PIK3C2G: variants seen among roughly 807,000 people sequenced by gnomAD.
PIK3C2G encodes the protein phosphatidylinositol-4-phosphate 3-kinase catalytic subunit type 2 gamma, also known as phosphatidylinositol 3-kinase C2 domain-containing subunit gamma.
A neutral mutation model predicts 181.1 loss-of-function variants in PIK3C2G; 168 were observed. The observed-to-expected ratio is 0.93, with a 90% CI of 0.82 to 1.05. The LOEUF is 1.05. Ranked by LOEUF, PIK3C2G falls within the 50% of genes least tolerant of loss-of-function variation. PIK3C2G has a pLI of 0.00. For missense variants in PIK3C2G, 1,869 were observed against 1,732.8 expected, an observed-to-expected ratio of 1.08 and a Z score of -1.40; for synonymous variants, 573 against 592.2, an observed-to-expected ratio of 0.97 and a Z score of 0.47.
Position 18,480,920 on chromosome 12 carries a change from T to A in PIK3C2G, c.2505-7529T>A, listed in dbSNP as rs1367343587. On this transcript the variant is annotated intron_variant, in intron 18 of 32. Coordinates refer to ENST00000538779, the MANE Select transcript of PIK3C2G (RefSeq NM_001288772.2). ...ACCTCTGGTTCACCCTTGAGTTTTT[T>A]ATTTTTTTATTTTTTTATTTTTTAT... Among the ~76,000 whole-genome samples the A allele has an allele frequency of 2.0e-5, 3 of 151,914 alleles. No homozygotes were observed. The East Asian group carries it at 5.8e-4, about 29-fold the overall frequency.
the PIK3C2G span, among the ~76,000 whole-genome samples, chr12:18,666,812 A>T: frequency 6.6e-6 from 1 of 152,218 alleles, no homozygotes; most frequent in Non-Finnish European, 1.5e-5. Context: ...ATTAGGTTAC[A>T]GATGATAGTC....
At chr12:18,542,173 C>T (rs1015986440) in intron 25 of PIK3C2G, among the ~76,000 whole-genome samples, 2 of 151,888 alleles carry the variant, frequency 1.3e-5, no homozygotes, top group Middle Eastern at 3.4e-3. Context: ...AGAAGCCTAT[C>T]CTTAGAAAAT....
At chr12:18,668,743 C>A in the PIK3C2G span, among the ~76,000 whole-genome samples, 1 of 152,116 alleles carries the variant, frequency 6.6e-6, no homozygotes, top group African/African-American at 2.4e-5. Context: ...TGCTCACACC[C>A]CAAAGCTATA....
rs540577281 is a variant in PIK3C2G at position 18,453,259 on chromosome 12, T to C, written c.2504+29220T>C. Among the ~76,000 whole-genome samples, 6 of 152,318 alleles carry C rather than the reference T, an allele frequency of 3.9e-5. No individual in the cohort carries two copies. The South Asian group carries it at 1.2e-3, about 32-fold the overall frequency. ...CTCCTGTATTGGGTGCATATATATT[T>C]AGGATAGTTAGCTCTTCTTATTGCA... is the stretch of plus-strand genomic sequence containing the variant. On this transcript the variant is annotated intron_variant, in intron 18 of 32. Transcript: ENST00000538779.
At chr12:18,466,859 C>CACAA (rs982834748) in intron 18 of PIK3C2G, among the ~76,000 whole-genome samples, 3 of 152,028 alleles carry the variant, frequency 2.0e-5, no homozygotes, top group African/African-American at 7.2e-5. Context: ...TTCAATCACA[C>CACAA]ACAAACAAAG....
At chr12:18,475,451 G>A (rs1938895414) in intron 18 of PIK3C2G, among the ~76,000 whole-genome samples, 1 of 148,042 alleles carries the variant, frequency 6.8e-6, no homozygotes, top group African/African-American at 2.5e-5. Flanking sequence ...CCCCCGAGAT[G>A]AAAAATGTCC....
intron 24 of PIK3C2G, among the ~76,000 whole-genome samples, chr12:18,522,652 T>G (rs951772549): frequency 6.6e-6 from 1 of 152,118 alleles, no homozygotes; most frequent in Non-Finnish European, 1.5e-5. Flanking sequence ...TATATGTTGT[T>G]GCTTTTATTA....
chr12:18,483,542 T>G lies in PIK3C2G; in HGVS notation c.2505-4907T>G, dbSNP rs77235106. Among the ~76,000 whole-genome samples, 492 of 152,186 alleles carry G rather than the reference T, an allele frequency of 3.2e-3. 1 individual carries two copies. Among genetic ancestry groups the G allele is most frequent in the African/African-American group, 0.011 (457 of 41,524 alleles). On this transcript the variant is annotated intron_variant, in intron 18 of 32. Transcript: ENST00000538779. ...TTTTTATGATCCACGAAAAAAGACA[T>G]GTTAATTACTTTTATAGTTTTTTTT...
chr12:18,700,924 C>T, the PIK3C2G span, among the ~76,000 whole-genome samples: 3 of 151,888 alleles, frequency 2.0e-5, no homozygotes, highest in South Asian at 4.1e-4. Flanking sequence ...ATCTCTGCAT[C>T]TTTTGCACTT....
chr12:18,577,645 G>A (rs910611409), intron 29 of PIK3C2G, among the ~76,000 whole-genome samples: 1 of 152,036 alleles, frequency 6.6e-6, no homozygotes, highest in Admixed American at 6.6e-5. Flanking sequence ...TTCAAGGAGG[G>A]GAATCCTGTC....
At chr12:18,662,137 G>A in the PIK3C2G span, among the ~76,000 whole-genome samples, 5 of 152,036 alleles carry the variant, frequency 3.3e-5, no homozygotes, top group Non-Finnish European at 7.4e-5. Flanking sequence ...GATGGAAAGT[G>A]CAAGGAGGGT....
chr12:18,555,127 G>A (rs1333199501), intron 26 of PIK3C2G, among the ~76,000 whole-genome samples: 1 of 152,100 alleles, frequency 6.6e-6, no homozygotes, highest in African/African-American at 2.4e-5. Context: ...CTATTAAAGA[G>A]ACTGACCATT....
chr12:18,358,061 G>A (rs547120564), intron 11 of PIK3C2G, among the ~76,000 whole-genome samples: 1 of 152,286 alleles, frequency 6.6e-6, no homozygotes, highest in African/African-American at 2.4e-5. Flanking sequence ...ATGAACATGG[G>A]AGTTCAGATA....
Position 18,313,992 on chromosome 12 carries a change from T to G in PIK3C2G, c.1065T>G (p.Phe355Leu). Residue 355 changes from phenylalanine to leucine, a missense_variant, in exon 6 of 33, where the codon TTT becomes TTG. Physicochemically the swap from Phe to Leu is conservative, Grantham distance 22 (BLOSUM62 0). Coordinates refer to ENST00000538779, the MANE Select transcript of PIK3C2G (RefSeq NM_001288772.2). ...ACTGTTTGGGGAGCCACAAAATGTT[T>G]CAAAAAGATAAATCTGTTATTCAGC... ...NDHCLGSHKMFQKDKSVIQLH... is the reference protein window; with the variant it reads ...NDHCLGSHKMLQKDKSVIQLH... 1.3e-6 allele frequency: 2 copies of G among 1,590,998 alleles called. No individual in the cohort carries two copies. The highest frequency in any genetic ancestry group is 1.7e-6 in the Non-Finnish European group (2 of 1,167,390).
chr12:18,691,136 T>C, the PIK3C2G span, among the ~76,000 whole-genome samples: 26 of 152,100 alleles, frequency 1.7e-4, no homozygotes, highest in East Asian at 5.0e-3. Context: ...GGAAAATATT[T>C]AGGAATAGAA....
chr12:18,535,488 A>G (rs1458382635), intron 24 of PIK3C2G, among the ~76,000 whole-genome samples: 9 of 152,016 alleles, frequency 5.9e-5, no homozygotes, highest in Admixed American at 5.9e-4. Flanking sequence ...AATGGTGACT[A>G]TGGACAAAAG....
chr12:18,568,256 A>G (rs1043260341), intron 29 of PIK3C2G, among the ~76,000 whole-genome samples: 5 of 152,190 alleles, frequency 3.3e-5, no homozygotes, highest in African/African-American at 1.2e-4. Flanking sequence ...GCAAGGACAC[A>G]GCTCTGATGG....
chr12:18,719,392 T>A, the PIK3C2G span: 1 of 1,235,362 alleles, frequency 8.1e-7, no homozygotes, highest in Non-Finnish European at 1.1e-6. Flanking sequence ...AACTTCCAAG[T>A]ATTTTTAAAT....
At chr12:18,562,607 C>T (rs1945408314) in intron 26 of PIK3C2G, 96 bp from the exon 27 acceptor site, 3 of 713,032 alleles carry the variant, frequency 4.2e-6, no homozygotes, top group African/African-American at 1.8e-5. Context: ...TTGGCTTTTT[C>T]CCCTCATACT....
Sources: allele counts gnomAD v4.1 joint callset (sites outside exome capture counted in the v4.1 genomes callset), GRCh38; gene constraint gnomAD v4.1.1; transcripts MANE v1.5; gene names NCBI Gene and HGNC (gene_info 2026-07-23, HGNC 2026-07-21).